DLG2: variants seen among roughly 807,000 people sequenced by gnomAD.
The protein encoded by DLG2 is disks large homolog 2.
In DLG2, 45 loss-of-function variants were observed where a neutral mutation model predicts 132.5. The observed-to-expected ratio is 0.34, with a 90% CI of 0.27 to 0.44. DLG2 has a LOEUF of 0.44. DLG2 is among the 20% of genes least tolerant of loss of function. DLG2 has a pLI of 1.00. For missense variants in DLG2, 1,045 were observed against 1,196.9 expected (o/e 0.87, Z 1.87); for synonymous variants, 424 against 419.6 (o/e 1.01, Z -0.13).
intron 18 of DLG2, among the ~76,000 whole-genome samples, chr11:83,712,669 G>A (rs1306507610): frequency 2.0e-5 from 3 of 152,130 alleles, no homozygotes; most frequent in Admixed American, 6.6e-5. Context: ...CAGGGACATG[G>A]ATGGAGTTGG....
rs551797512 is a variant in DLG2, at chr11:84,668,347, A to G, written c.358-133616T>C. On this transcript the variant is annotated intron_variant, in intron 6 of 27. Coordinates refer to ENST00000376104, the MANE Select transcript of DLG2 (RefSeq NM_001142699.3). The stretch of plus-strand genomic sequence containing the variant: ...TGTTTGTAGCTTTTGTTTCTTCTTT[A>G]AGCAATTGAGTTTAAAGATAGGTTT... 9.2e-5 allele frequency among the ~76,000 whole-genome samples: 14 copies of G among 152,232 alleles called. No homozygotes were observed. In the South Asian group the frequency reaches 2.5e-3, roughly 27 times the overall value.
At chr11:83,960,243 G>A (rs2088210729) in intron 14 of DLG2, among the ~76,000 whole-genome samples, 1 of 151,860 alleles carries the variant, frequency 6.6e-6, no homozygotes, top group Non-Finnish European at 1.5e-5. Flanking sequence ...TATTCCTATG[G>A]CATTCATGTA....
intron 3 of DLG2, among the ~76,000 whole-genome samples, chr11:85,408,478 G>A (rs2088985233): frequency 6.6e-6 from 1 of 150,946 alleles, no homozygotes. Flanking sequence ...CATGTGACAT[G>A]CTGGTGCACT....
chr11:84,566,889 T>C (rs1429345345), intron 6 of DLG2, among the ~76,000 whole-genome samples: 1 of 152,206 alleles, frequency 6.6e-6, no homozygotes, highest in Non-Finnish European at 1.5e-5. Context: ...TCAGCTTTCC[T>C]TAAGTGATTG....
At chr11:83,599,546 T>C (rs1645426787) in intron 19 of DLG2, among the ~76,000 whole-genome samples, 2 of 152,214 alleles carry the variant, frequency 1.3e-5, no homozygotes, top group African/African-American at 4.8e-5. Flanking sequence ...CCTTTGTCAA[T>C]TCCCTGACTA....
At chr11:85,532,869 C>G (rs1344552288) in intron 3 of DLG2, among the ~76,000 whole-genome samples, 4 of 152,096 alleles carry the variant, frequency 2.6e-5, no homozygotes, top group Non-Finnish European at 5.9e-5. Context: ...TGTCCCACAC[C>G]TGTTCCTTAT....
intron 18 of DLG2, among the ~76,000 whole-genome samples, chr11:83,720,225 C>T (rs536587254): frequency 9.3e-5 from 12 of 128,860 alleles, no homozygotes; most frequent in South Asian, 2.6e-4. Flanking sequence ...ACCCAGGAGG[C>T]GGAGTTGCAA....
intron 7 of DLG2, among the ~76,000 whole-genome samples, chr11:84,533,937 A>AAAAAAT (rs2099349271): frequency 8.5e-6 from 1 of 118,182 alleles, no homozygotes; most frequent in South Asian, 2.6e-4. Flanking sequence ...AAAAAAAAAA[A>AAAAAAT]TCAGAGTAAT....
intron 7 of DLG2, among the ~76,000 whole-genome samples, chr11:84,434,933 A>G (rs1411580528): frequency 4.0e-5 from 6 of 151,300 alleles, no homozygotes; most frequent in Non-Finnish European, 5.9e-5. Flanking sequence ...AAAAAAAAAA[A>G]AAAAGAAAAG....
intron 4 of DLG2, among the ~76,000 whole-genome samples, chr11:85,243,786 A>G (rs931170519): frequency 1.3e-5 from 2 of 152,010 alleles, no homozygotes; most frequent in African/African-American, 4.8e-5. Context: ...CCAACCTTGA[A>G]TAACTCACTA....
chr11:84,753,360 T>C (rs1170243264), intron 6 of DLG2, among the ~76,000 whole-genome samples: 1 of 152,040 alleles, frequency 6.6e-6, no homozygotes, highest in Non-Finnish European at 1.5e-5. Context: ...TGAGAGATAA[T>C]GGAGGGTTTG....
chr11:83,626,445 AC>A (rs1169023383), intron 19 of DLG2, among the ~76,000 whole-genome samples: 3 of 152,150 alleles, frequency 2.0e-5, no homozygotes, highest in African/African-American at 7.2e-5. Flanking sequence ...AAGTACAAAC[AC>A]CATATTTATT....
At chr11:84,150,100 A>G (rs761951691) in intron 9 of DLG2, among the ~76,000 whole-genome samples, 2 of 152,160 alleles carry the variant, frequency 1.3e-5, no homozygotes, top group African/African-American at 2.4e-5. Context: ...GTGAAAAACA[A>G]TGTTGGTAAT....
chr11:85,098,072 A>G (rs534540175), intron 6 of DLG2, among the ~76,000 whole-genome samples: 1 of 152,358 alleles, frequency 6.6e-6, no homozygotes, highest in South Asian at 2.1e-4. Context: ...ACTATAAATC[A>G]TAAGATAAGG....
At chr11:83,492,586 C>CAAAT (rs139834541) in intron 21 of DLG2, among the ~76,000 whole-genome samples, 5,118 of 152,072 alleles carry the variant, frequency 0.034, 311 homozygotes, top group African/African-American at 0.12. Context: ...CCTCAACAAG[C>CAAAT]AAATAAACAC....
intron 4 of DLG2, among the ~76,000 whole-genome samples, chr11:85,243,378 C>A (rs1368250242): frequency 6.6e-6 from 1 of 151,930 alleles, no homozygotes; most frequent in East Asian, 1.9e-4. Context: ...CATCCCAGAC[C>A]CATATAGCAT....
At chr11:83,806,286 C>T (rs1322605879) in intron 17 of DLG2, among the ~76,000 whole-genome samples, 1 of 152,112 alleles carries the variant, frequency 6.6e-6, no homozygotes, top group Non-Finnish European at 1.5e-5. Context: ...TTTTAAACAA[C>T]TAAAACAATA....
At chr11:84,767,167 G>A (rs942923765) in intron 6 of DLG2, among the ~76,000 whole-genome samples, 1 of 152,020 alleles carries the variant, frequency 6.6e-6, no homozygotes, top group African/African-American at 2.4e-5. Flanking sequence ...AGCACAAAGT[G>A]TAATAATACA....
At chr11:84,024,817 T>C (rs2095494939) in intron 11 of DLG2, among the ~76,000 whole-genome samples, 1 of 150,892 alleles carries the variant, frequency 6.6e-6, no homozygotes, top group East Asian at 1.9e-4. Flanking sequence ...ATTTTTTCTT[T>C]TTTTTTTTTT....
Sources: allele counts gnomAD v4.1 joint callset (sites outside exome capture counted in the v4.1 genomes callset), GRCh38; gene constraint gnomAD v4.1.1; transcripts MANE v1.5; gene names NCBI Gene and HGNC (gene_info 2026-07-23, HGNC 2026-07-21).